The following TRIQK variants were observed in gnomAD, a reference collection of about 807,000 sequenced individuals.
The protein encoded by TRIQK is triple QxxK/R motif containing, also known as triple QxxK/R motif-containing protein.
A neutral mutation model predicts 10.8 loss-of-function variants in TRIQK; 10 were observed. That is an observed-to-expected ratio of 0.92 (90% CI 0.57 to 1.57). The LOEUF (loss-of-function observed/expected upper bound fraction) is 1.57, where lower values mean the gene tolerates loss of function less well. TRIQK is among the 40% of genes most tolerant of loss of function. The pLI is 0.00. For missense variants in TRIQK, 107 were observed against 97.7 expected, an observed-to-expected ratio of 1.09 and a Z score of -0.40; for synonymous variants, 33 against 33.7, an observed-to-expected ratio of 0.98 and a Z score of 0.07.
chr8:92,903,843 G>T (rs2130363574), intron 3 of TRIQK, among the ~76,000 whole-genome samples: 1 of 152,090 alleles, frequency 6.6e-6, no homozygotes, highest in South Asian at 2.1e-4. Context: ...CCCAAACCTT[G>T]TGTAAAAGAC....
intron 3 of TRIQK, among the ~76,000 whole-genome samples, chr8:92,910,676 C>A (rs574919888): frequency 6.6e-6 from 1 of 150,684 alleles, no homozygotes; most frequent in Admixed American, 6.6e-5. Flanking sequence ...AAGTATTTTA[C>A]CAATATTAAT....
chr8:92,898,566 T>C (rs1035076554), intron 3 of TRIQK, among the ~76,000 whole-genome samples: 8 of 151,984 alleles, frequency 5.3e-5, no homozygotes, highest in Non-Finnish European at 1.5e-5. Context: ...TTTCAGAGGT[T>C]TTTACTTTCC....
At chr8:92,967,279 T>C (rs1474934669), upstream of TRIQK, among the ~76,000 whole-genome samples, 2 of 150,152 alleles carry the variant, frequency 1.3e-5, no homozygotes, top group East Asian at 4.0e-4. Flanking sequence ...ATAGATACGG[T>C]TGTAGTAAGA....
intron 1 of TRIQK, among the ~76,000 whole-genome samples, chr8:93,009,981 G>C (rs1813315216): frequency 6.6e-6 from 1 of 152,068 alleles, no homozygotes; most frequent in South Asian, 2.1e-4. Flanking sequence ...CATGGATGAA[G>C]CTAAAGGACA....
chr8:92,963,955 C>T (rs1586509740), intron 1 of TRIQK: 1 of 151,368 alleles, frequency 6.6e-6, no homozygotes, highest in East Asian at 1.9e-4. Context: ...GTTCTTTTTA[C>T]TTGTTTAAAT....
intron 1 of TRIQK, among the ~76,000 whole-genome samples, chr8:92,964,583 C>T (rs1812639260): frequency 6.7e-6 from 1 of 148,304 alleles, no homozygotes; most frequent in Admixed American, 6.7e-5. Context: ...TTAATTTCTT[C>T]CCCATTTCTA....
intron 2 of TRIQK, among the ~76,000 whole-genome samples, chr8:92,945,809 T>G (rs1329821951): frequency 2.0e-5 from 3 of 152,138 alleles, no homozygotes; most frequent in Admixed American, 6.6e-5. Flanking sequence ...ATCAATTAAG[T>G]TATTTTAAAA....
chr8:92,952,532 G>C (rs1290622679), intron 2 of TRIQK, among the ~76,000 whole-genome samples: 1 of 151,380 alleles, frequency 6.6e-6, no homozygotes, highest in Admixed American at 6.6e-5. Flanking sequence ...AAAGAGATAA[G>C]AACAGAAGAA....
Position 92,896,971 on chromosome 8 carries a change from C to A in TRIQK, c.62-4897G>T, listed in dbSNP as rs963036469. The stretch of plus-strand genomic sequence containing the variant: ...AGCTGGGATTACAGGCATGCACCAC[C>A]ACGCCTGGCTAATTTTTGTATTTTT... On this transcript the variant is annotated intron_variant, in intron 3 of 4. Coordinates refer to ENST00000521988, the MANE Select transcript of TRIQK (RefSeq NM_001171797.2). 2.0e-4 allele frequency among the ~76,000 whole-genome samples: 30 copies of A among 152,122 alleles called. 1 individual carries two copies. The highest frequency in any genetic ancestry group is 3.2e-4 in the Non-Finnish European group (22 of 67,970).
chr8:92,970,272 A>G (rs1812860952), upstream of TRIQK, among the ~76,000 whole-genome samples: 1 of 152,194 alleles, frequency 6.6e-6, no homozygotes, highest in African/African-American at 2.4e-5. Flanking sequence ...ATGTATCTTT[A>G]TAATAGAATG....
At chr8:92,937,426 T>C (rs1054190037) in intron 2 of TRIQK, among the ~76,000 whole-genome samples, 4 of 151,868 alleles carry the variant, frequency 2.6e-5, no homozygotes, top group African/African-American at 4.8e-5. Flanking sequence ...TGACAGTATA[T>C]TGCTGGGTCT....
chr8:92,983,104 A>T (rs964211122), intron 1 of TRIQK, among the ~76,000 whole-genome samples: 7 of 152,068 alleles, frequency 4.6e-5, no homozygotes, highest in African/African-American at 1.4e-4. Context: ...TGTATATTTT[A>T]AAAAATTAAA....
At chr8:93,002,791 G>T (rs1289114549) in intron 1 of TRIQK, among the ~76,000 whole-genome samples, 3 of 151,850 alleles carry the variant, frequency 2.0e-5, no homozygotes, top group Non-Finnish European at 4.4e-5. Flanking sequence ...GTGGTAGGGG[G>T]AGTCTGTAAT....
At chr8:92,995,767 G>A (rs961133712) in intron 1 of TRIQK, among the ~76,000 whole-genome samples, 3 of 152,002 alleles carry the variant, frequency 2.0e-5, no homozygotes, top group Non-Finnish European at 2.9e-5. Flanking sequence ...TGATGAACAC[G>A]GTTATGTGTC....
At chr8:92,929,871 G>T (rs1290356584) in intron 2 of TRIQK, among the ~76,000 whole-genome samples, 1 of 152,056 alleles carries the variant, frequency 6.6e-6, no homozygotes, top group East Asian at 1.9e-4. Context: ...AAGAAGATAG[G>T]TTAGTTAAGC....
chr8:92,893,248 T>C (rs1816849280), intron 3 of TRIQK, among the ~76,000 whole-genome samples: 1 of 152,072 alleles, frequency 6.6e-6, no homozygotes, highest in South Asian at 2.1e-4. Context: ...TAAAATTTCA[T>C]ACAGAGTTTT....
chr8:92,949,839 AAAGGGAGAGAAAAGAAAAGAGAAAGG>A (rs1811798559), intron 2 of TRIQK, among the ~76,000 whole-genome samples: 1 of 128,842 alleles, frequency 7.8e-6, no homozygotes, highest in Non-Finnish European at 1.7e-5. Flanking sequence ...AGAAAGAAAG[AAAGGGAGAGAAAAGAAAAGAGAAAGG>A]AAGGGAGGGA....
At chr8:93,014,449 A>G (rs914944368) in intron 1 of TRIQK, among the ~76,000 whole-genome samples, 5 of 152,054 alleles carry the variant, frequency 3.3e-5, no homozygotes, top group South Asian at 2.1e-4. Flanking sequence ...AAAATTTAGC[A>G]TTTTTGAAGA....
At chr8:92,939,322 C>T (rs995030692) in intron 2 of TRIQK, among the ~76,000 whole-genome samples, 1 of 152,156 alleles carries the variant, frequency 6.6e-6, no homozygotes, top group African/African-American at 2.4e-5. Flanking sequence ...TCTCCCCACT[C>T]TGTGTGAGCT....
Sources: allele counts gnomAD v4.1 joint callset (sites outside exome capture counted in the v4.1 genomes callset), GRCh38; gene constraint gnomAD v4.1.1; transcripts MANE v1.5; gene names NCBI Gene and HGNC (gene_info 2026-07-23, HGNC 2026-07-21).